ARHGEF11: variants seen among roughly 807,000 people sequenced by gnomAD.
ARHGEF11 encodes Rho guanine exchange factor (GEF) 11.
Under a neutral mutation model 193.7 loss-of-function variants are expected in ARHGEF11, and 55 were observed. The ratio of observed to expected loss-of-function variants is 0.28; its 90% CI spans 0.23 to 0.36. The LOEUF is 0.36. ARHGEF11 is among the 10% of genes least tolerant of loss of function. The pLI, the probability that ARHGEF11 is intolerant of heterozygous loss-of-function variation, is 1.00. For missense variants in ARHGEF11, 1,723 were observed against 2,005.6 expected, an observed-to-expected ratio of 0.86 and a Z score of 2.69; for synonymous variants, 693 against 768.0, an observed-to-expected ratio of 0.90 and a Z score of 1.62.
chr1:156,935,094 T>C lies in ARHGEF11; in HGVS notation c.*906A>G, dbSNP rs1339138530. On this transcript the variant is annotated 3_prime_UTR_variant, in exon 41 of 41. Transcript: ENST00000368194. ...GCCCCTTGGATGGTCCTGGGTGAAT[T>C]CAGGGACTCGGCATTCAGACCCCTG... 1 of 152,276 alleles carries C rather than the reference T, an allele frequency of 6.6e-6. No individual in the cohort carries two copies. The highest frequency in any genetic ancestry group is 2.4e-5 in the African/African-American group (1 of 41,268). 9.4% of individuals were successfully genotyped at this position (152,276 alleles called of 1,614,324 possible).
chr1:156,956,325 A>G, intron 19 of ARHGEF11, 95 bp downstream of exon 19: 1 of 1,320,294 alleles, frequency 7.6e-7, no homozygotes, highest in African/African-American at 1.5e-5. Flanking sequence ...CATGTTGCCC[A>G]GGCTGGTCTC....
rs185738370 is a variant in ARHGEF11, at chr1:156,960,361, G to A, written c.1282+57C>T. 2.9e-4 allele frequency: 461 copies of A among 1,576,598 alleles called. 1 individual carries two copies. In the African/African-American group the frequency reaches 5.7e-3, roughly 20 times the overall value. On this transcript the variant is annotated intron_variant, in intron 15 of 40. Coordinates refer to ENST00000368194, the MANE Select transcript of ARHGEF11 (RefSeq NM_198236.3). Reference sequence around the variant, plus strand: ...CCTTCTGTCCTCTGGAGCCTCCTGAGAGCTCAGGACAAGAAAGCTACCAAG... The same window carrying A: ...CCTTCTGTCCTCTGGAGCCTCCTGAAAGCTCAGGACAAGAAAGCTACCAAG...
intron 3 of ARHGEF11, among the ~76,000 whole-genome samples, 199 bp from the exon 4 acceptor site, chr1:156,980,685 C>T (rs1183415182): frequency 6.6e-6 from 1 of 152,170 alleles, no homozygotes; most frequent in Non-Finnish European, 1.5e-5. Context: ...AAGGTCCCAT[C>T]TCCTGCTCTT....
At chr1:157,012,785 G>A (rs1200503632) in intron 1 of ARHGEF11, among the ~76,000 whole-genome samples, 1 of 152,204 alleles carries the variant, frequency 6.6e-6, no homozygotes, top group Non-Finnish European at 1.5e-5. Context: ...AAAACATTTA[G>A]AACAGTGCTT....
At chr1:157,015,850 C>T (rs1472762925) in intron 1 of ARHGEF11, among the ~76,000 whole-genome samples, 1 of 152,230 alleles carries the variant, frequency 6.6e-6, no homozygotes, top group African/African-American at 2.4e-5. Flanking sequence ...CAATCAAAAA[C>T]ATTTACTGAA....
At chr1:156,959,713 ATC>A (rs1660505983) in intron 15 of ARHGEF11, among the ~76,000 whole-genome samples, 1 of 152,118 alleles carries the variant, frequency 6.6e-6, no homozygotes, top group Non-Finnish European at 1.5e-5. Context: ...CCCGTAAATC[ATC>A]TCTTTCTAAA....
intron 1 of ARHGEF11, among the ~76,000 whole-genome samples, chr1:157,016,205 CTTCTAA>C (rs1299229597): frequency 1.3e-5 from 2 of 152,094 alleles, no homozygotes; most frequent in Non-Finnish European, 2.9e-5. Context: ...AAGGGAGCTA[CTTCTAA>C]TATTACTGTT....
intron 1 of ARHGEF11, among the ~76,000 whole-genome samples, chr1:157,019,166 C>T (rs1375883164): frequency 6.6e-6 from 1 of 152,048 alleles, no homozygotes; most frequent in African/African-American, 2.4e-5. Context: ...TTTTGTTCCT[C>T]AAAAGACAAA....
Position 156,970,040 on chromosome 1 carries a change from T to A in ARHGEF11, c.706A>T (p.Ile236Leu). ...IQQETGGSVD[I>L]LPLYGDTSQR... ...CTGGTGTCACCATATAGTGGAAGTA[T>A]GTCCTGAAACAGAAAGGCCCACAGG... Residue 236 changes from isoleucine (I) to leucine (L), a missense_variant, in exon 9 of 41, where the codon ATA (isoleucine) becomes TTA (leucine). Ile to Leu is a conservative substitution (Grantham distance 5). Transcript: ENST00000368194. 6.2e-7 allele frequency: 1 copy of A among 1,613,960 alleles called. No individual in the cohort carries two copies. Among genetic ancestry groups the A allele is most frequent in the Non-Finnish European group, 8.5e-7 (1 of 1,179,858 alleles).
intron 1 of ARHGEF11, among the ~76,000 whole-genome samples, chr1:157,013,027 G>C (rs1305293436): frequency 1.3e-5 from 2 of 152,056 alleles, no homozygotes; most frequent in Non-Finnish European, 2.9e-5. Flanking sequence ...GGCGTTGACA[G>C]GGCAGTGATG....
At chr1:156,965,633 C>T (rs1661580389) in intron 11 of ARHGEF11, among the ~76,000 whole-genome samples, 1 of 152,190 alleles carries the variant, frequency 6.6e-6, no homozygotes, top group African/African-American at 2.4e-5. Flanking sequence ...ATGGGTAACA[C>T]TAGAGTATCA....
intron 37 of ARHGEF11, chr1:156,939,008 T>G: frequency 5.5e-6 from 1 of 180,936 alleles, no homozygotes; most frequent in Non-Finnish European, 1.1e-5. Flanking sequence ...CAACCCGGGG[T>G]GCCCTCCCTG....
At chr1:156,953,112 C>T (rs1382623347) in intron 21 of ARHGEF11, among the ~76,000 whole-genome samples, 2 of 152,204 alleles carry the variant, frequency 1.3e-5, no homozygotes, top group African/African-American at 2.4e-5. Context: ...CCCAGAGTAA[C>T]AGGGGAGAAA....
intron 1 of ARHGEF11, among the ~76,000 whole-genome samples, chr1:157,012,039 T>C (rs1424065961): frequency 6.6e-6 from 1 of 152,206 alleles, no homozygotes; most frequent in Non-Finnish European, 1.5e-5. Context: ...AGGTTCATAG[T>C]AGCAGTATTT....
intron 1 of ARHGEF11, among the ~76,000 whole-genome samples, chr1:157,021,015 T>TA (rs1163324239): frequency 6.6e-6 from 1 of 152,238 alleles, no homozygotes; most frequent in East Asian, 1.9e-4. Flanking sequence ...GTGAAATGTG[T>TA]AATAGCCTGT....
chr1:156,988,101 C>G (rs545663932), intron 1 of ARHGEF11, among the ~76,000 whole-genome samples: 10 of 152,180 alleles, frequency 6.6e-5, no homozygotes, highest in Non-Finnish European at 1.5e-4. Context: ...GCCTGATGCC[C>G]GGGGAAGTGC....
chr1:156,935,702 T>G lies in ARHGEF11; in HGVS notation c.*298A>C. The G allele has an allele frequency of 5.1e-6, 2 of 395,536 alleles. No homozygotes were observed. Among genetic ancestry groups the G allele is most frequent in the Non-Finnish European group, 9.1e-6 (2 of 218,934 alleles). The allele number at this position is 395,536 out of a possible 1,614,324, so 24.5% of individuals were successfully genotyped here. A position where few individuals can be genotyped will look rare whatever the true frequency, so the allele number is the denominator to read the frequency against. On this transcript the variant is annotated 3_prime_UTR_variant, in exon 41 of 41. Transcript: ENST00000368194. Reference sequence around the variant, plus strand: ...ATACAGGCGTGCGCGTGTACACACATATGTGGGGTGAGGGCAGACCATGGT... The same window carrying G: ...ATACAGGCGTGCGCGTGTACACACAGATGTGGGGTGAGGGCAGACCATGGT...
intron 22 of ARHGEF11, among the ~76,000 whole-genome samples, 162 bp downstream of exon 22, chr1:156,951,411 C>G (rs371968613): frequency 2.0e-5 from 3 of 152,264 alleles, no homozygotes; most frequent in East Asian, 3.9e-4. Flanking sequence ...CACTGGCACA[C>G]AATGTGTCTC....
At position 156,937,504 on chromosome 1, in the gene ARHGEF11, C is replaced by A; in HGVS notation, c.4193-8G>T. ...TGACATAAAAGCAGTTCCCTGTCCC[C>A]ACAGTAAGAGAATGAGATCAGGAGG... On this transcript the variant is annotated splice_region_variant and splice_polypyrimidine_tract_variant and intron_variant, in intron 38 of 40. Transcript: ENST00000368194. 1 of 1,515,450 alleles carries A rather than the reference C, an allele frequency of 6.6e-7. No homozygotes were observed. The highest frequency in any genetic ancestry group is 2.3e-5 in the East Asian group (1 of 43,242). 93.9% of individuals were successfully genotyped at this position (1,515,450 alleles called of 1,614,324 possible).
Sources: allele counts gnomAD v4.1 joint callset (sites outside exome capture counted in the v4.1 genomes callset), GRCh38; gene constraint gnomAD v4.1.1; transcripts MANE v1.5; gene names NCBI Gene and HGNC (gene_info 2026-07-23, HGNC 2026-07-21).